SUMF1: variants seen among roughly 807,000 people sequenced by gnomAD.
The protein encoded by SUMF1 is sulfatase modifying factor 1, also known as formylglycine-generating enzyme.
SUMF1 carries 48 observed loss-of-function variants against 47.6 expected under a neutral mutation model. The observed-to-expected ratio is 1.01, with a 90% confidence interval of 0.80 to 1.28. The LOEUF (loss-of-function observed/expected upper bound fraction) is 1.28. SUMF1 is among the 50% of genes most tolerant of loss of function. The pLI, the probability that SUMF1 is intolerant of heterozygous loss-of-function variation, is 0.00. For synonymous variants in SUMF1, 230 were observed against 192.1 expected (o/e 1.20, Z -1.63); for missense variants, 571 against 485.4 (o/e 1.18, Z -1.66).
intron 8 of SUMF1, among the ~76,000 whole-genome samples, chr3:4,115,085 C>T (rs1444084363): frequency 6.6e-6 from 1 of 151,976 alleles, no homozygotes; most frequent in Non-Finnish European, 1.5e-5. Flanking sequence ...CCTATGAAAA[C>T]CCCAAGACCC....
chr3:4,207,916 G>C (rs1041166633), intron 8 of SUMF1, among the ~76,000 whole-genome samples: 10 of 152,070 alleles, frequency 6.6e-5, no homozygotes, highest in South Asian at 2.1e-4. Flanking sequence ...ACACGTCTGA[G>C]AGTTAAAAAC....
intron 3 of SUMF1, among the ~76,000 whole-genome samples, chr3:4,433,491 A>G (rs1702301112): frequency 6.6e-6 from 1 of 152,178 alleles, no homozygotes; most frequent in Non-Finnish European, 1.5e-5. Flanking sequence ...CTTTTCAAAA[A>G]AAGACACAAA....
intron 8 of SUMF1, among the ~76,000 whole-genome samples, chr3:4,315,133 A>G (rs1015421251): frequency 3.9e-5 from 6 of 152,198 alleles, no homozygotes; most frequent in African/African-American, 7.2e-5. Flanking sequence ...ACAAATACAT[A>G]GTATCAAAAA....
At chr3:4,359,931 C>T (rs1246124226), downstream of SUMF1, among the ~76,000 whole-genome samples, 4 of 152,080 alleles carry the variant, frequency 2.6e-5, no homozygotes, top group African/African-American at 4.8e-5. Context: ...TATGAGCCAC[C>T]GTCCCCAACT....
downstream of SUMF1, among the ~76,000 whole-genome samples, chr3:4,357,506 C>T (rs1699646147): frequency 1.3e-5 from 2 of 151,610 alleles, no homozygotes; most frequent in Non-Finnish European, 2.9e-5. Flanking sequence ...AAATATAGTC[C>T]CTGAAAAATA....
intron 8 of SUMF1, among the ~76,000 whole-genome samples, chr3:4,112,665 C>A (rs74383765): frequency 0.05 from 7,639 of 152,070 alleles, 529 homozygotes; most frequent in East Asian, 0.15. Context: ...GACTTGGGGG[C>A]TGGATGAGGA....
chr3:4,330,439 C>G, intron 8 of SUMF1, among the ~76,000 whole-genome samples: 1 of 152,150 alleles, frequency 6.6e-6, no homozygotes, highest in Non-Finnish European at 1.5e-5. Flanking sequence ...CAAAGGAGGA[C>G]CATGCACGTC....
intron 8 of SUMF1, among the ~76,000 whole-genome samples, chr3:4,230,111 G>A (rs1696266504): frequency 6.6e-6 from 1 of 151,766 alleles, no homozygotes; most frequent in Non-Finnish European, 1.5e-5. Flanking sequence ...CATTACAAAT[G>A]TGACTTGGTC....
chr3:4,436,045 G>C (rs990153862), intron 3 of SUMF1, among the ~76,000 whole-genome samples: 5 of 152,218 alleles, frequency 3.3e-5, no homozygotes, highest in Non-Finnish European at 7.3e-5. Flanking sequence ...AGTTTGGGAG[G>C]CCAAGGTGGG....
At chr3:4,421,327 C>T (rs916765274) in intron 3 of SUMF1, among the ~76,000 whole-genome samples, 2 of 152,122 alleles carry the variant, frequency 1.3e-5, no homozygotes, top group African/African-American at 4.8e-5. Context: ...AATACGCATA[C>T]AGGACTTATG....
At chr3:4,220,394 T>C (rs894657310) in intron 8 of SUMF1, among the ~76,000 whole-genome samples, 5 of 152,162 alleles carry the variant, frequency 3.3e-5, no homozygotes, top group Non-Finnish European at 5.9e-5. Flanking sequence ...AATTCCTTTC[T>C]AAAACTACAA....
At chr3:4,233,433 A>G (rs1242813) in intron 8 of SUMF1, among the ~76,000 whole-genome samples, 38,059 of 151,886 alleles carry the variant, frequency 0.25, 7,013 homozygotes, top group African/African-American at 0.51. Context: ...ATTTCTCACA[A>G]GCTCTTCTTC....
At chr3:4,409,912 T>C (rs1256998589) in intron 7 of SUMF1, among the ~76,000 whole-genome samples, 5 of 152,234 alleles carry the variant, frequency 3.3e-5, no homozygotes, top group Non-Finnish European at 7.3e-5. Flanking sequence ...GTCTATTTCT[T>C]CAATTGCTCT....
At chr3:4,440,243 CAAAA>C (rs758476250) in intron 3 of SUMF1, among the ~76,000 whole-genome samples, 1 of 30,624 alleles carries the variant, frequency 3.3e-5, no homozygotes, top group African/African-American at 1.0e-4. Flanking sequence ...GACTCTGTCT[CAAAA>C]AAAAAAAAAA....
chr3:4,103,761 AC>A (rs1693092589), intron 8 of SUMF1, among the ~76,000 whole-genome samples: 2 of 152,094 alleles, frequency 1.3e-5, no homozygotes, highest in Admixed American at 6.5e-5. Context: ...CACCATGATT[AC>A]GTCCTCTCTA....
At chr3:4,215,575 A>T (rs1244868908) in intron 8 of SUMF1, among the ~76,000 whole-genome samples, 1 of 152,234 alleles carries the variant, frequency 6.6e-6, no homozygotes, top group African/African-American at 2.4e-5. Context: ...AAATAAAGGT[A>T]TTCAAATAGG....
At chr3:4,408,980 A>C (rs962368088) in intron 7 of SUMF1, among the ~76,000 whole-genome samples, 18 of 152,206 alleles carry the variant, frequency 1.2e-4, no homozygotes, top group Non-Finnish European at 2.1e-4. Context: ...AATTAAAAAA[A>C]AAGATAAAAG....
intron 8 of SUMF1, among the ~76,000 whole-genome samples, chr3:4,309,688 G>A (rs542021099): frequency 3.9e-5 from 6 of 152,194 alleles, no homozygotes; most frequent in Non-Finnish European, 5.9e-5. Context: ...CCTCATCTAC[G>A]TGGCAGAACT....
chr3:4,145,337 A>G (rs1365055600), intron 8 of SUMF1, among the ~76,000 whole-genome samples: 1 of 152,106 alleles, frequency 6.6e-6, no homozygotes, highest in African/African-American at 2.4e-5. Context: ...TTGCTGAATG[A>G]ATGAATAAAT....
Sources: allele counts gnomAD v4.1 joint callset (sites outside exome capture counted in the v4.1 genomes callset), GRCh38; gene constraint gnomAD v4.1.1; transcripts MANE v1.5; gene names NCBI Gene and HGNC (gene_info 2026-07-23, HGNC 2026-07-21).